The following PCDHA1 variants were observed in gnomAD, a reference collection of about 807,000 sequenced individuals.
PCDHA1 encodes protocadherin alpha 1, also known as protocadherin alpha-1.
A neutral mutation model predicts 61.3 loss-of-function variants in PCDHA1; 42 were observed. The ratio of observed to expected loss-of-function variants is 0.69; its 90% CI spans 0.54 to 0.89. The LOEUF (loss-of-function observed/expected upper bound fraction) is 0.89. Among genes scored for constraint, PCDHA1 ranks in the 40% least tolerant of loss-of-function variants. The pLI is 0.00. For missense variants in PCDHA1, 1,256 were observed against 1,235.3 expected, an observed-to-expected ratio of 1.02 and a Z score of -0.25; for synonymous variants, 610 against 553.8, an observed-to-expected ratio of 1.10 and a Z score of -1.43.
At chr5:140,958,692 T>C (rs2095438296) in intron 1 of PCDHA1, among the ~76,000 whole-genome samples, 2 of 152,190 alleles carry the variant, frequency 1.3e-5, no homozygotes, top group African/African-American at 4.8e-5. Flanking sequence ...TTGAATATCC[T>C]AGAGTGACAA....
intron 1 of PCDHA1, chr5:140,870,883 C>G: frequency 6.2e-7 from 1 of 1,613,920 alleles, no homozygotes; most frequent in South Asian, 1.1e-5. Flanking sequence ...GGCGAAGGTG[C>G]GCGCAGTGGA....
chr5:140,841,616 A>T (rs2150319486), intron 1 of PCDHA1: 1 of 1,613,946 alleles, frequency 6.2e-7, no homozygotes, highest in Non-Finnish European at 8.5e-7. Flanking sequence ...GTGCGGGCGG[A>T]GCGCGGAGTG....
intron 1 of PCDHA1, chr5:140,856,534 A>G (rs782489948): frequency 6.3e-7 from 1 of 1,598,482 alleles, no homozygotes; most frequent in Non-Finnish European, 8.6e-7. Context: ...CGGATGTTGG[A>G]GAGAACGCAT....
At chr5:140,797,328 CTCAGAA>C in intron 1 of PCDHA1, 1 of 1,614,180 alleles carries the variant, frequency 6.2e-7, no homozygotes, top group Non-Finnish European at 8.5e-7. Context: ...AGAAACAGCT[CTCAGAA>C]TCAGAATACG....
intron 1 of PCDHA1, among the ~76,000 whole-genome samples, chr5:140,940,230 TA>T (rs2153645241): frequency 6.6e-6 from 1 of 152,330 alleles, no homozygotes; most frequent in Non-Finnish European, 1.5e-5. Flanking sequence ...TTCATTTTGG[TA>T]CATTAAAGTT....
At chr5:140,966,703 G>T in intron 1 of PCDHA1, 1 of 1,376,398 alleles carries the variant, frequency 7.3e-7, no homozygotes, top group South Asian at 1.7e-5. Flanking sequence ...CCCGGGCGTG[G>T]GGCACGGCTG....
intron 1 of PCDHA1, chr5:140,848,598 G>T (rs2150413954): frequency 1.3e-6 from 2 of 1,593,946 alleles, no homozygotes; most frequent in African/African-American, 1.3e-5. Context: ...CCACTACTCC[G>T]TCCCGGAGGA....
chr5:140,797,020 G>C (rs538442586), intron 1 of PCDHA1: 2 of 1,613,594 alleles, frequency 1.2e-6, no homozygotes, highest in East Asian at 2.2e-5. Flanking sequence ...GTGGGTGGGC[G>C]CCGCGGGCTC....
chr5:140,969,680 G>A (rs2096353475), intron 1 of PCDHA1, among the ~76,000 whole-genome samples: 1 of 152,204 alleles, frequency 6.6e-6, no homozygotes, highest in African/African-American at 2.4e-5. Context: ...TGAGACTCAA[G>A]GAGAAATGGC....
intron 1 of PCDHA1, among the ~76,000 whole-genome samples, chr5:140,942,047 T>C (rs2093223138): frequency 6.6e-6 from 1 of 152,228 alleles, no homozygotes; most frequent in African/African-American, 2.4e-5. Context: ...TGGTCTATTA[T>C]GAAATGTTTG....
intron 1 of PCDHA1, chr5:140,876,480 C>A (rs368324550): frequency 6.2e-7 from 1 of 1,613,992 alleles, no homozygotes; most frequent in Non-Finnish European, 8.5e-7. Context: ...ACAGCATGGT[C>A]CTGGTGGAAG....
Position 140,842,608 on chromosome 5 carries a change from C to G in PCDHA1, c.2394+53924C>G. On this transcript the variant is annotated intron_variant, in intron 1 of 3. Transcript: ENST00000504120. ...ATGAGTTGGTGGTAACCGCGCGGGACGGGGGCTCGCCTTCGCTGTGGGCCA... is the reference window on the plus strand; with the variant it reads ...ATGAGTTGGTGGTAACCGCGCGGGAGGGGGGCTCGCCTTCGCTGTGGGCCA... The G allele has an allele frequency of 1.9e-6, 3 of 1,557,216 alleles. No homozygotes were observed. The East Asian group carries it at 6.8e-5, about 35-fold the overall frequency.
intron 1 of PCDHA1, chr5:140,968,323 C>T (rs1554230616): frequency 1.2e-6 from 2 of 1,614,114 alleles, no homozygotes; most frequent in East Asian, 2.2e-5. Flanking sequence ...TGCCAGTCAC[C>T]TCCTATGTCT....
At position 140,829,373 on chromosome 5, in the gene PCDHA1, C is replaced by A. The variant is rs1202815393; in HGVS notation, c.2394+40689C>A. On this transcript the variant is annotated intron_variant, in intron 1 of 3. Transcript: ENST00000504120. The stretch of plus-strand genomic sequence containing the variant: ...GGCCTATGAGTTGGTGGTAACCGCG[C>A]GGGACGGGGGCTCGCCTTCGCTGTG... The A allele has an allele frequency of 4.3e-6, 7 of 1,614,082 alleles. No individual in the cohort carries two copies. In the African/African-American group the frequency reaches 6.7e-5, roughly 15 times the overall value.
intron 3 of PCDHA1, among the ~76,000 whole-genome samples, chr5:140,994,520 T>C (rs2097631658): frequency 6.8e-6 from 1 of 147,840 alleles, no homozygotes; most frequent in African/African-American, 2.6e-5. Context: ...CTGGGCAACA[T>C]GGCAAAACCC....
At position 140,843,039 on chromosome 5, in the gene PCDHA1, C is replaced by T; in HGVS notation, c.2394+54355C>T. 4.4e-6 allele frequency: 7 copies of T among 1,595,204 alleles called. 1 individual carries two copies. The highest frequency in any genetic ancestry group is 6.0e-6 in the Non-Finnish European group (7 of 1,165,364). ...CTGCTGGAGCCTCGGGTGGGTGGCA[C>T]TGGTGGCGCAGCGAGCAAGCTGGTG... On this transcript the variant is annotated intron_variant, in intron 1 of 3. Coordinates refer to ENST00000504120, the MANE Select transcript of PCDHA1 (RefSeq NM_018900.4).
intron 1 of PCDHA1, among the ~76,000 whole-genome samples, chr5:140,793,581 G>A (rs1164137429): frequency 6.6e-6 from 1 of 152,196 alleles, no homozygotes; most frequent in Non-Finnish European, 1.5e-5. Context: ...GCTCTAGGAA[G>A]CTGAAAACAA....
chr5:141,004,101 T>C (rs2098153096), intron 3 of PCDHA1, among the ~76,000 whole-genome samples: 1 of 152,220 alleles, frequency 6.6e-6, no homozygotes, highest in Admixed American at 6.5e-5. Flanking sequence ...TCCGTTTTCA[T>C]CTTCTTCAAA....
At chr5:140,869,659 G>A (rs782595471) in intron 1 of PCDHA1, 4 of 1,613,446 alleles carry the variant, frequency 2.5e-6, no homozygotes, top group Non-Finnish European at 3.4e-6. Context: ...ACCAACAAAT[G>A]GTAAGCAGAT....
Sources: gnomAD v4.1 joint callset for allele counts (sites outside exome capture counted in the v4.1 genomes callset) on GRCh38, gnomAD v4.1.1 for gene constraint, MANE v1.5 for transcripts, NCBI Gene and HGNC (gene_info 2026-07-23, HGNC 2026-07-21) for gene names.